Variants in HIPK2 observed in about 807,000 individuals in gnomAD.
HIPK2 encodes the protein homeodomain-interacting protein kinase 2.
In HIPK2, 27 loss-of-function variants were observed where a neutral mutation model predicts 113.7. The ratio of observed to expected loss-of-function variants is 0.24; its 90% CI spans 0.17 to 0.33. The LOEUF (loss-of-function observed/expected upper bound fraction) is 0.33. HIPK2 is among the 10% of genes least tolerant of loss of function. The pLI is 1.00. For synonymous variants in HIPK2, 631 were observed against 642.2 expected (o/e 0.98, Z 0.26); for missense variants, 1,257 against 1,588.0 (o/e 0.79, Z 3.54).
Position 139,620,670 on chromosome 7 carries a change from T to C in HIPK2, c.1620-107A>G, listed in dbSNP as rs372605914. 1.3e-5 allele frequency: 18 copies of C among 1,384,726 alleles called. No individual in the cohort carries two copies. In the East Asian group the frequency reaches 2.5e-4, roughly 19 times the overall value. The allele number at this position is 1,384,726 out of a possible 1,614,324, so 85.8% of individuals were successfully genotyped here. ...GGAAAGGAGAGAAGGGTTAATTCAG[T>C]AAACAGGACAAGCAGGGAAACTAAA... On this transcript the variant is annotated intron_variant, in intron 6 of 14. Coordinates refer to ENST00000406875, the MANE Select transcript of HIPK2 (RefSeq NM_022740.5).
chr7:139,699,812 A>G (rs1034307024), intron 2 of HIPK2, among the ~76,000 whole-genome samples: 1 of 152,208 alleles, frequency 6.6e-6, no homozygotes, highest in Non-Finnish European at 1.5e-5. Context: ...ACTGGGTCAC[A>G]ATCTGCGCAC....
At chr7:139,644,104 C>A (rs563351618) in intron 2 of HIPK2, among the ~76,000 whole-genome samples, 1 of 152,332 alleles carries the variant, frequency 6.6e-6, no homozygotes, top group African/African-American at 2.4e-5. Context: ...TGTGTCTCTG[C>A]AGGTGCCTAT....
At chr7:139,660,013 T>TCCATTTTTGTGTCCGCC (rs1801811783) in intron 2 of HIPK2, among the ~76,000 whole-genome samples, 3 of 152,236 alleles carry the variant, frequency 2.0e-5, no homozygotes, top group African/African-American at 7.2e-5. Context: ...GTTCCATGGT[T>TCCATTTTTGTGTCCGCC]CAAAAATCAC....
At chr7:139,762,552 C>T (rs1016750811) in intron 1 of HIPK2, among the ~76,000 whole-genome samples, 4 of 152,194 alleles carry the variant, frequency 2.6e-5, no homozygotes, top group Admixed American at 2.0e-4. Flanking sequence ...TTTGACAATA[C>T]GGATACACGT....
At position 139,760,103 on chromosome 7, in the gene HIPK2, C is replaced by T. The variant is rs113111492; in HGVS notation, c.19+17502G>A. ...CTGCAAGCTCCACCTCCCAGGTTCACGCCATTCTCCTGCCTCAGCCTCCCG... is the reference window on the plus strand; with the variant it reads ...CTGCAAGCTCCACCTCCCAGGTTCATGCCATTCTCCTGCCTCAGCCTCCCG... On this transcript the variant is annotated intron_variant, in intron 1 of 14. Transcript: ENST00000406875. Among the ~76,000 whole-genome samples, 1,370 of 151,794 alleles carry T rather than the reference C, an allele frequency of 9.0e-3. 12 individuals carry two copies. Among genetic ancestry groups the T allele is most frequent in the African/African-American group, 0.03 (1,245 of 41,436 alleles).
rs559240505 is a variant in HIPK2, at chr7:139,610,857, A to T, written c.2112+2345T>A. ...CAACAGGCAGAACCTAAGTGCCTGGATTGAGGCGAGTGAATGGAATTTAGA... is the reference window on the plus strand; with the variant it reads ...CAACAGGCAGAACCTAAGTGCCTGGTTTGAGGCGAGTGAATGGAATTTAGA... On this transcript the variant is annotated intron_variant, in intron 9 of 14. Transcript: ENST00000406875. Among the ~76,000 whole-genome samples the T allele has an allele frequency of 7.9e-5, 12 of 152,336 alleles. No individual in the cohort carries two copies. The South Asian group carries it at 2.5e-3, about 32-fold the overall frequency.
At chr7:139,611,849 C>T (rs1198146894) in intron 9 of HIPK2, among the ~76,000 whole-genome samples, 5 of 152,184 alleles carry the variant, frequency 3.3e-5, no homozygotes, top group African/African-American at 1.2e-4. Context: ...TGCACCACCA[C>T]ACCCATTACA....
intron 1 of HIPK2, among the ~76,000 whole-genome samples, chr7:139,738,376 A>G (rs145735485): frequency 0.017 from 2,564 of 152,342 alleles, 28 homozygotes; most frequent in Non-Finnish European, 0.029. Context: ...TGTAGTCTCT[A>G]TTGTCTGATG....
At chr7:139,610,053 T>A (rs1799760614) in intron 9 of HIPK2, among the ~76,000 whole-genome samples, 1 of 152,206 alleles carries the variant, frequency 6.6e-6, no homozygotes, top group Non-Finnish European at 1.5e-5. Context: ...TTAGGTTAAA[T>A]CTACTTGGAG....
chr7:139,703,972 C>A (rs1168013315), intron 2 of HIPK2, among the ~76,000 whole-genome samples: 1 of 135,334 alleles, frequency 7.4e-6, no homozygotes, highest in African/African-American at 2.8e-5. Context: ...ACACACACCA[C>A]ACACACAACC....
At chr7:139,645,251 C>T (rs1167029640) in intron 2 of HIPK2, among the ~76,000 whole-genome samples, 3 of 152,172 alleles carry the variant, frequency 2.0e-5, no homozygotes, top group African/African-American at 7.2e-5. Flanking sequence ...GGAGCTAAGT[C>T]ACAGTCAGTC....
At chr7:139,764,105 T>C (rs1796515072) in intron 1 of HIPK2, among the ~76,000 whole-genome samples, 1 of 152,140 alleles carries the variant, frequency 6.6e-6, no homozygotes, top group African/African-American at 2.4e-5. Flanking sequence ...TGGGCATGAG[T>C]TTGATGTTAA....
Position 139,584,499 on chromosome 7 carries a change from G to A in HIPK2, c.2718-435C>T, listed in dbSNP as rs140371994. On this transcript the variant is annotated intron_variant, in intron 12 of 14. Transcript: ENST00000406875. ...GGGACCTGGGTTAGGAGTAAACCTCGCTGGGAGAAGAATGTCATAAGCTTA... is the reference window on the plus strand; with the variant it reads ...GGGACCTGGGTTAGGAGTAAACCTCACTGGGAGAAGAATGTCATAAGCTTA... 3.7e-3 allele frequency among the ~76,000 whole-genome samples: 560 copies of A among 152,344 alleles called. 5 individuals are homozygous for A. Among genetic ancestry groups the A allele is most frequent in the Non-Finnish European group, 6.2e-3 (422 of 68,026 alleles).
chr7:139,683,889 G>A lies in HIPK2; in HGVS notation c.1103+32043C>T, dbSNP rs142202644. Among the ~76,000 whole-genome samples the A allele has an allele frequency of 3.5e-3, 538 of 151,996 alleles. 1 individual carries two copies. Among genetic ancestry groups the A allele is most frequent in the African/African-American group, 0.012 (512 of 41,428 alleles). ...TGAATGGGCTTGGAATTTGGGGAGG[G>A]GCATATATATAGAGAGACATACCTC... On this transcript the variant is annotated intron_variant, in intron 2 of 14. Transcript: ENST00000406875. This position sits in a 1 kb window ranked among gnomAD's most constrained non-coding sequence, Gnocchi z 4.2.
intron 2 of HIPK2, among the ~76,000 whole-genome samples, chr7:139,679,501 A>G (rs954007113): frequency 7.9e-5 from 12 of 152,202 alleles, no homozygotes; most frequent in African/African-American, 2.2e-4. Flanking sequence ...CTATATGCTC[A>G]GAAATACCAA....
At chr7:139,680,040 G>A (rs1407121173) in intron 2 of HIPK2, among the ~76,000 whole-genome samples, 3 of 152,160 alleles carry the variant, frequency 2.0e-5, no homozygotes, top group African/African-American at 7.2e-5. Flanking sequence ...GATACAAGGA[G>A]GCCGGAAGGC....
chr7:139,765,771 T>C (rs1796543646), intron 1 of HIPK2, among the ~76,000 whole-genome samples: 1 of 152,172 alleles, frequency 6.6e-6, no homozygotes. Flanking sequence ...TTCTGTTAAA[T>C]GCTCACAGAC....
chr7:139,584,093 T>A, intron 12 of HIPK2, 29 bp from the exon 13 acceptor site: 1 of 1,553,430 alleles, frequency 6.4e-7, no homozygotes, highest in African/African-American at 1.4e-5. Context: ...AAGTCAGAGG[T>A]GGGAGAAGGC....
chr7:139,725,484 A>G (rs1272399651), intron 1 of HIPK2, among the ~76,000 whole-genome samples: 1 of 152,264 alleles, frequency 6.6e-6, no homozygotes, highest in East Asian at 1.9e-4. Flanking sequence ...TGGCAATACA[A>G]TAACAAATGC....
Sources: allele counts gnomAD v4.1 joint callset (sites outside exome capture counted in the v4.1 genomes callset), GRCh38; gene constraint gnomAD v4.1.1; non-coding constraint Gnocchi (gnomAD v3.1); transcripts MANE v1.5; gene names NCBI Gene and HGNC (gene_info 2026-07-23, HGNC 2026-07-21).